Variants in CCDC178 observed in about 807,000 individuals in gnomAD.
The protein encoded by CCDC178 is coiled-coil domain-containing protein 178.
CCDC178 carries 126 observed loss-of-function variants against 117.4 expected under a neutral mutation model. The observed-to-expected ratio is 1.07, with a 90% CI of 0.93 to 1.24. The LOEUF (loss-of-function observed/expected upper bound fraction) is 1.24. CCDC178 is among the 50% of genes most tolerant of loss of function. The pLI, the probability that CCDC178 is intolerant of heterozygous loss-of-function variation, is 0.00. For missense variants in CCDC178, 1,030 were observed against 986.9 expected (o/e 1.04, Z -0.59); for synonymous variants, 283 against 313.4 (o/e 0.90, Z 1.02).
chr18:33,071,508 C>A (rs1299294731), intron 21 of CCDC178, among the ~76,000 whole-genome samples: 1 of 151,846 alleles, frequency 6.6e-6, no homozygotes, highest in African/African-American at 2.4e-5. Flanking sequence ...TATGAAATAC[C>A]AACACGGTTT....
At chr18:32,994,863 G>A (rs1568205496) in intron 21 of CCDC178, among the ~76,000 whole-genome samples, 1 of 152,170 alleles carries the variant, frequency 6.6e-6, no homozygotes, top group Non-Finnish European at 1.5e-5. Context: ...ATAAGAATAA[G>A]AGCAGACTTT....
At chr18:33,016,551 G>T (rs9952623) in intron 21 of CCDC178, among the ~76,000 whole-genome samples, 3,162 of 151,988 alleles carry the variant, frequency 0.021, 50 homozygotes, top group African/African-American at 0.047. Context: ...ATTGAATAAA[G>T]AAATAATTAT....
intron 22 of CCDC178, among the ~76,000 whole-genome samples, chr18:32,963,681 T>C (rs1298631034): frequency 6.6e-6 from 1 of 152,070 alleles, no homozygotes; most frequent in Non-Finnish European, 1.5e-5. Context: ...ATGAGTTCTC[T>C]CCTTCAGAGA....
chr18:33,188,879 G>A (rs576921188), intron 20 of CCDC178, among the ~76,000 whole-genome samples: 10 of 152,286 alleles, frequency 6.6e-5, no homozygotes, highest in African/African-American at 1.9e-4. Context: ...GACTACAGTG[G>A]TTCAAGTATT....
chr18:33,406,564 C>A (rs1460599525), intron 3 of CCDC178, among the ~76,000 whole-genome samples: 1 of 151,970 alleles, frequency 6.6e-6, no homozygotes. Context: ...ACAGATTTCT[C>A]TCAATCTAAT....
chr18:33,180,601 T>C (rs76844054), intron 20 of CCDC178, among the ~76,000 whole-genome samples: 143 of 152,116 alleles, frequency 9.4e-4, no homozygotes, highest in African/African-American at 3.3e-3. Context: ...GTGTCACATA[T>C]TTTAATCTCA....
At chr18:33,356,157 C>T (rs9948028) in intron 7 of CCDC178, among the ~76,000 whole-genome samples, 167 bp downstream of exon 7, 65,277 of 151,914 alleles carry the variant, frequency 0.43, 15,540 homozygotes, top group African/African-American at 0.65. Context: ...TTGCCATTAT[C>T]AGTGATGTCC....
Position 32,961,576 on chromosome 18 carries a change from G to A in CCDC178, c.2523+12971C>T, listed in dbSNP as rs1424033608. 1.2e-4 allele frequency among the ~76,000 whole-genome samples: 18 copies of A among 152,068 alleles called. 1 individual carries two copies. The highest frequency in any genetic ancestry group is 9.2e-4 in the Admixed American group (14 of 15,256). ...CTTTTTGACACAAGGGGCCGGTTTC[G>A]TGGAAGACAATTTTTCCACAGACAG... On this transcript the variant is annotated intron_variant, in intron 22 of 22. Coordinates refer to ENST00000383096, the MANE Select transcript of CCDC178 (RefSeq NM_001105528.4).
intron 21 of CCDC178, among the ~76,000 whole-genome samples, chr18:33,075,952 A>G (rs2145014325): frequency 6.6e-6 from 1 of 152,284 alleles, no homozygotes; most frequent in Non-Finnish European, 1.5e-5. Context: ...GTGGGGTACA[A>G]AAGCAAAACT....
chr18:33,299,019 T>C (rs2062142277), intron 11 of CCDC178, among the ~76,000 whole-genome samples: 1 of 152,166 alleles, frequency 6.6e-6, no homozygotes, highest in South Asian at 2.1e-4. Context: ...ATTGAAAGAA[T>C]ATTGTCAAAA....
rs188803980 is a variant in CCDC178, at chr18:33,367,257, T to C, written c.348+2793A>G. 1.7e-3 allele frequency among the ~76,000 whole-genome samples: 258 copies of C among 152,174 alleles called. 2 individuals carry two copies. The highest frequency in any genetic ancestry group is 5.9e-3 in the African/African-American group (247 of 41,548). On this transcript the variant is annotated intron_variant, in intron 6 of 22. Coordinates refer to ENST00000383096, the MANE Select transcript of CCDC178 (RefSeq NM_001105528.4). Reference sequence around the variant, plus strand: ...TTGTGGGATCTAAAAATCCAAACAATTGAACTCATGAATATAGAGAATAGA... The same window carrying C: ...TTGTGGGATCTAAAAATCCAAACAACTGAACTCATGAATATAGAGAATAGA...
chr18:33,234,154 C>G (rs1254076565), intron 15 of CCDC178, among the ~76,000 whole-genome samples: 1 of 152,064 alleles, frequency 6.6e-6, no homozygotes, highest in Non-Finnish European at 1.5e-5. Context: ...TTTACTTCCT[C>G]AAATGTGTCA....
intron 21 of CCDC178, among the ~76,000 whole-genome samples, chr18:33,085,272 G>T (rs766701423): frequency 6.6e-6 from 1 of 152,126 alleles, no homozygotes; most frequent in African/African-American, 2.4e-5. Flanking sequence ...TATTTAAAAC[G>T]TATTTTTGGG....
rs559967467 is a variant in CCDC178 at position 33,299,559 on chromosome 18, G to T, written c.1023-6247C>A. Among the ~76,000 whole-genome samples the T allele has an allele frequency of 4.7e-5, 7 of 149,480 alleles. No individual in the cohort carries two copies. In the East Asian group the frequency reaches 1.4e-3, roughly 29 times the overall value. Reference sequence around the variant, plus strand: ...CTCAGAGGAAATGGTTCAACACATTGTCCTGGGAAAAGTTTTATGAATAAG... The same window carrying T: ...CTCAGAGGAAATGGTTCAACACATTTTCCTGGGAAAAGTTTTATGAATAAG... On this transcript the variant is annotated intron_variant, in intron 11 of 22. Coordinates refer to ENST00000383096, the MANE Select transcript of CCDC178 (RefSeq NM_001105528.4).
intron 14 of CCDC178, among the ~76,000 whole-genome samples, chr18:33,245,874 T>C (rs2059543879): frequency 6.6e-6 from 1 of 151,926 alleles, no homozygotes. Flanking sequence ...CAATTCTTTT[T>C]GTAGGTGGGA....
At chr18:33,397,755 A>G (rs1484561586) in intron 3 of CCDC178, among the ~76,000 whole-genome samples, 2 of 152,166 alleles carry the variant, frequency 1.3e-5, no homozygotes, top group African/African-American at 4.8e-5. Flanking sequence ...CATAAATAAT[A>G]CAGCATGATT....
intron 22 of CCDC178, among the ~76,000 whole-genome samples, chr18:32,962,678 G>C (rs1168936100): frequency 6.6e-6 from 1 of 151,216 alleles, no homozygotes; most frequent in African/African-American, 2.4e-5. Flanking sequence ...CTTTATTTTT[G>C]GTTTTCAGGA....
rs2055471974 is a variant in CCDC178 at position 32,994,876 on chromosome 18, GT to G, written c.2389-20196del. ...AAATAAGAATAAGAGCAGACTTTTA[GT>G]TTTAGTGATTAGAATATCAGCAGTA... On this transcript the variant is annotated intron_variant, in intron 21 of 22. Transcript: ENST00000383096. Among the ~76,000 whole-genome samples, 6 of 152,288 alleles carry G rather than the reference GT, an allele frequency of 3.9e-5. No individual in the cohort carries two copies. In the South Asian group the frequency reaches 1.2e-3, roughly 32 times the overall value.
At chr18:33,322,518 A>G (rs1276619580) in intron 11 of CCDC178, among the ~76,000 whole-genome samples, 1 of 151,814 alleles carries the variant, frequency 6.6e-6, no homozygotes. Flanking sequence ...GTTTGAAACT[A>G]TATAAATTTT....
Sources: allele counts gnomAD v4.1 joint callset (sites outside exome capture counted in the v4.1 genomes callset), GRCh38; gene constraint gnomAD v4.1.1; transcripts MANE v1.5; gene names NCBI Gene and HGNC (gene_info 2026-07-23, HGNC 2026-07-21).